The following AMBRA1 variants were observed in gnomAD, a reference collection of about 807,000 sequenced individuals.
AMBRA1 encodes the protein autophagy and beclin 1 regulator 1.
AMBRA1 carries 47 observed loss-of-function variants against 125.4 expected under a neutral mutation model. The ratio of observed to expected loss-of-function variants is 0.37; its 90% CI spans 0.30 to 0.48. The LOEUF (loss-of-function observed/expected upper bound fraction) is 0.48, where lower values mean the gene tolerates loss of function less well. Among genes scored for constraint, AMBRA1 ranks in the 20% least tolerant of loss-of-function variants. The pLI, the probability that AMBRA1 is intolerant of heterozygous loss-of-function variation, is 0.99. For synonymous variants in AMBRA1, 626 were observed against 655.5 expected (o/e 0.95, Z 0.69); for missense variants, 1,331 against 1,693.4 (o/e 0.79, Z 3.76).
intron 11 of AMBRA1, among the ~76,000 whole-genome samples, chr11:46,486,538 C>T (rs181925689): frequency 6.6e-6 from 1 of 152,260 alleles, no homozygotes; most frequent in Admixed American, 6.5e-5. Context: ...ACTAAAAAGT[C>T]CTCCTGAAAG....
intron 7 of AMBRA1, among the ~76,000 whole-genome samples, chr11:46,532,687 G>C (rs1952271280): frequency 6.6e-6 from 1 of 152,154 alleles, no homozygotes; most frequent in African/African-American, 2.4e-5. Flanking sequence ...CGCCCACCTT[G>C]GCCTTCCAAA....
intron 14 of AMBRA1, among the ~76,000 whole-genome samples, chr11:46,424,510 T>C (rs1404868046): frequency 6.6e-6 from 1 of 152,200 alleles, no homozygotes; most frequent in Non-Finnish European, 1.5e-5. Context: ...TCTACTTCTG[T>C]GCTAAAAGAA....
intron 11 of AMBRA1, among the ~76,000 whole-genome samples, chr11:46,466,394 C>T (rs1223973955): frequency 6.6e-6 from 1 of 151,564 alleles, no homozygotes; most frequent in Non-Finnish European, 1.5e-5. Flanking sequence ...AGACCAACCA[C>T]AGCCACAGCC....
chr11:46,523,439 G>A (rs1345259300), intron 7 of AMBRA1, among the ~76,000 whole-genome samples: 1 of 152,004 alleles, frequency 6.6e-6, no homozygotes, highest in East Asian at 1.9e-4. Context: ...CTCCTCCCCC[G>A]TTCCCAAAAA....
chr11:46,431,264 G>T (rs1454797076), intron 14 of AMBRA1, among the ~76,000 whole-genome samples: 1 of 152,176 alleles, frequency 6.6e-6, no homozygotes, highest in Non-Finnish European at 1.5e-5. Flanking sequence ...GGTGGCAGAT[G>T]GTACCTACTG....
intron 17 of AMBRA1, among the ~76,000 whole-genome samples, chr11:46,406,859 T>C (rs1251105164): frequency 1.4e-5 from 2 of 147,660 alleles, no homozygotes; most frequent in African/African-American, 5.1e-5. Flanking sequence ...CTCCAGCCTC[T>C]GCGACAGAGT....
At position 46,561,178 on chromosome 11, in the gene AMBRA1, C is replaced by T. The variant is rs1565298356; in HGVS notation, c.-120-12678G>A. ...GGTGGATCACCTGAGGTCAGGAGTT[C>T]GAGACTAGCCTGGCCAACACGGTGA... On this transcript the variant is annotated intron_variant, in intron 1 of 17. Coordinates refer to ENST00000683756, the MANE Select transcript of AMBRA1 (RefSeq NM_001387011.1). Among the ~76,000 whole-genome samples the T allele has an allele frequency of 3.3e-5, 5 of 151,982 alleles. No homozygotes were observed. In the South Asian group the frequency reaches 1.0e-3, roughly 32 times the overall value.
At chr11:46,412,622 T>C (rs375708123) in intron 15 of AMBRA1, among the ~76,000 whole-genome samples, 6 of 152,240 alleles carry the variant, frequency 3.9e-5, no homozygotes, top group Middle Eastern at 3.4e-3. Flanking sequence ...TGTTTTTTTT[T>C]CCCCAAAATG....
Position 46,544,049 on chromosome 11 carries a change from C to T in AMBRA1, c.552-8G>A. On this transcript the variant is annotated splice_polypyrimidine_tract_variant and splice_region_variant and intron_variant, in intron 5 of 17. Coordinates refer to ENST00000683756, the MANE Select transcript of AMBRA1 (RefSeq NM_001387011.1). The stretch of plus-strand genomic sequence containing the variant: ...GGATCAAATCTCACCAGACTAAAAT[C>T]ACAGAAGAAAGAGACAAAGACACAC... 1 of 1,612,018 alleles carries T rather than the reference C, an allele frequency of 6.2e-7. No individual in the cohort carries two copies. The highest frequency in any genetic ancestry group is 8.5e-7 in the Non-Finnish European group (1 of 1,178,510).
chr11:46,548,573 G>T, intron 1 of AMBRA1, 73 bp from the exon 2 acceptor site: 1 of 607,866 alleles, frequency 1.6e-6, no homozygotes, highest in Non-Finnish European at 2.7e-6. Flanking sequence ...TACAATTCTA[G>T]CTCAAAAGGG....
At chr11:46,574,492 C>T (rs923810365) in intron 1 of AMBRA1, among the ~76,000 whole-genome samples, 19 of 151,426 alleles carry the variant, frequency 1.3e-4, no homozygotes, top group Admixed American at 4.6e-4. Flanking sequence ...TCATGTCCTT[C>T]GCCCACTTTT....
In AMBRA1 at chr11:46,518,060, A is replaced by C. The variant is rs964079955; in HGVS notation, c.2073-5247T>G. On this transcript the variant is annotated intron_variant, in intron 7 of 17. Coordinates refer to ENST00000683756, the MANE Select transcript of AMBRA1 (RefSeq NM_001387011.1). ...GCAAGTTTGAAATTATTTCAAAATG[A>C]AAAACAAAAACATACAACACACAAA... 1.3e-5 allele frequency: 12 copies of C among 950,188 alleles called. No homozygotes were observed. In the African/African-American group the frequency reaches 1.9e-4, roughly 15 times the overall value. The allele number at this position is 950,188 out of a possible 1,614,324, so 58.9% of individuals were successfully genotyped here. A position where few individuals can be genotyped will look rare whatever the true frequency, so the allele number is the denominator to read the frequency against.
rs199831320 is a variant in AMBRA1 at position 46,584,087 on chromosome 11, G to A, written c.-121+9741C>T. 2.0e-3 allele frequency among the ~76,000 whole-genome samples: 281 copies of A among 140,852 alleles called. 5 individuals are homozygous for A. In the East Asian group the frequency reaches 0.035, roughly 17 times the overall value. The allele number at this position is 140,852 out of a possible 152,430, so 92.4% of individuals were successfully genotyped here. ...ACACATGCACATGTATGTTTATTGC[G>A]GCACTATTCACAATAGCAAAGACTT... On this transcript the variant is annotated intron_variant, in intron 1 of 17. Coordinates refer to ENST00000683756, the MANE Select transcript of AMBRA1 (RefSeq NM_001387011.1).
chr11:46,463,879 A>G (rs1949209872), intron 11 of AMBRA1, among the ~76,000 whole-genome samples: 1 of 152,224 alleles, frequency 6.6e-6, no homozygotes, highest in Admixed American at 6.5e-5. Flanking sequence ...GGCCTGTGGA[A>G]GATCCAAGTG....
At chr11:46,416,525 T>C (rs535442314) in intron 15 of AMBRA1, among the ~76,000 whole-genome samples, 11 of 152,344 alleles carry the variant, frequency 7.2e-5, no homozygotes, top group Admixed American at 7.2e-4. Context: ...CCAGTTTTCC[T>C]TTCTCCTAGG....
intron 13 of AMBRA1, among the ~76,000 whole-genome samples, chr11:46,434,244 A>T (rs2136711150): frequency 6.6e-6 from 1 of 152,104 alleles, no homozygotes; most frequent in African/African-American, 2.4e-5. Flanking sequence ...TTAATACATT[A>T]TGAACACTGT....
chr11:46,559,725 A>G (rs2043270426), intron 1 of AMBRA1, among the ~76,000 whole-genome samples: 1 of 152,224 alleles, frequency 6.6e-6, no homozygotes, highest in African/African-American at 2.4e-5. Context: ...TTTAATAAAT[A>G]AAGATAAGAC....
chr11:46,584,630 G>A (rs1463008927), intron 1 of AMBRA1, among the ~76,000 whole-genome samples: 2 of 151,680 alleles, frequency 1.3e-5, no homozygotes, highest in Non-Finnish European at 2.9e-5. Context: ...TTCTGAGACA[G>A]GGTCTTGCCA....
At chr11:46,460,978 C>T (rs914793034) in intron 11 of AMBRA1, among the ~76,000 whole-genome samples, 1 of 152,182 alleles carries the variant, frequency 6.6e-6, no homozygotes, top group Non-Finnish European at 1.5e-5. Flanking sequence ...AGTGGTGGTG[C>T]ACACTTATAA....
Sources: gnomAD v4.1 joint callset for allele counts (sites outside exome capture counted in the v4.1 genomes callset) on GRCh38, gnomAD v4.1.1 for gene constraint, MANE v1.5 for transcripts, NCBI Gene and HGNC (gene_info 2026-07-23, HGNC 2026-07-21) for gene names.